DIP2C: variants seen among roughly 807,000 people sequenced by gnomAD.
The protein encoded by DIP2C is disco-interacting protein 2 homolog C.
Under a neutral mutation model 192.4 loss-of-function variants are expected in DIP2C, and 33 were observed. The ratio of observed to expected loss-of-function variants is 0.17; its 90% CI spans 0.13 to 0.23. The LOEUF is 0.23. Among genes scored for constraint, DIP2C ranks in the 10% least tolerant of loss-of-function variants. The pLI is 1.00. For synonymous variants in DIP2C, 979 were observed against 864.1 expected (o/e 1.13, Z -2.33); for missense variants, 1,537 against 2,110.1 (o/e 0.73, Z 5.32).
intron 1 of DIP2C, among the ~76,000 whole-genome samples, chr10:555,399 G>A (rs982392825): frequency 1.9e-4 from 29 of 152,170 alleles, no homozygotes; most frequent in Admixed American, 7.9e-4. Context: ...CATTAACGGT[G>A]AAAGAGTAAG....
At chr10:481,927 G>A (rs920924693) in intron 2 of DIP2C, among the ~76,000 whole-genome samples, 2 of 152,226 alleles carry the variant, frequency 1.3e-5, no homozygotes, top group Admixed American at 6.5e-5. Flanking sequence ...CCGTGAGCAG[G>A]CAGCCGGGGC....
chr10:487,866 G>A (rs934604546), intron 1 of DIP2C, among the ~76,000 whole-genome samples: 6 of 152,090 alleles, frequency 3.9e-5, no homozygotes, highest in Non-Finnish European at 5.9e-5. Flanking sequence ...GTGAGCCACC[G>A]TGCCCAGCCG....
chr10:399,100 A>T lies in DIP2C; in HGVS notation c.1260+9T>A. ...CAGCGAGAAACCGAGCAAAGGGCGC[A>T]TTCCTTACCTTCCTGGTGAGCGGCA... On this transcript the variant is annotated intron_variant, in intron 10 of 36. Transcript: ENST00000280886. The T allele has an allele frequency of 6.2e-7, 1 of 1,611,098 alleles. No homozygotes were observed. The highest frequency in any genetic ancestry group is 2.2e-5 in the East Asian group (1 of 44,856).
intron 1 of DIP2C, chr10:650,844 C>T (rs1197717617): frequency 2.8e-6 from 2 of 715,634 alleles, no homozygotes; most frequent in African/African-American, 3.5e-5. Flanking sequence ...TCAGCCCCCA[C>T]TTGTGAGAGG....
At chr10:674,217 C>T (rs780462419) in intron 1 of DIP2C, among the ~76,000 whole-genome samples, 5 of 152,156 alleles carry the variant, frequency 3.3e-5, no homozygotes, top group Non-Finnish European at 5.9e-5. Flanking sequence ...ACAAAAAACT[C>T]ACTTCAGCTG....
intron 1 of DIP2C, among the ~76,000 whole-genome samples, chr10:605,776 CTA>C (rs1253274427): frequency 1.4e-4 from 21 of 152,226 alleles, no homozygotes; most frequent in African/African-American, 4.8e-4. Context: ...CTTCTCAGGG[CTA>C]TGATACTCAA....
chr10:399,359 G>A, intron 9 of DIP2C, 140 bp from the exon 10 acceptor site: 1 of 630,506 alleles, frequency 1.6e-6, no homozygotes, highest in Non-Finnish European at 2.8e-6. Flanking sequence ...AGTAAGCTGT[G>A]TTTTAATAAG....
intron 1 of DIP2C, among the ~76,000 whole-genome samples, chr10:566,693 G>A (rs1849485869): frequency 6.6e-6 from 1 of 152,234 alleles, no homozygotes; most frequent in Admixed American, 6.5e-5. Context: ...TGGAGGCGGT[G>A]TTCTCAAAGA....
intron 1 of DIP2C, among the ~76,000 whole-genome samples, chr10:537,683 C>T (rs950268366): frequency 3.9e-5 from 6 of 152,138 alleles, no homozygotes; most frequent in Admixed American, 3.3e-4. Flanking sequence ...AGGGAAGACA[C>T]GAGACACAGG....
chr10:320,173 G>A (rs897095941), intron 31 of DIP2C, among the ~76,000 whole-genome samples: 7 of 152,232 alleles, frequency 4.6e-5, no homozygotes, highest in East Asian at 1.9e-4. Flanking sequence ...CATTTTCCAC[G>A]GGAGACTAGA....
intron 1 of DIP2C, among the ~76,000 whole-genome samples, chr10:673,690 C>T (rs568235234): frequency 1.8e-4 from 28 of 152,292 alleles, no homozygotes; most frequent in South Asian, 6.2e-4. Context: ...ACCTGTATAA[C>T]GCCACCAGAA....
chr10:463,134 T>C (rs1455924756), intron 3 of DIP2C, among the ~76,000 whole-genome samples: 1 of 151,392 alleles, frequency 6.6e-6, no homozygotes, highest in East Asian at 1.9e-4. Flanking sequence ...CTCAACATAG[T>C]ATTGGAAGTT....
chr10:483,110 G>A (rs1382691859), intron 2 of DIP2C, among the ~76,000 whole-genome samples: 3 of 152,216 alleles, frequency 2.0e-5, no homozygotes, highest in Non-Finnish European at 2.9e-5. Context: ...GCTGGGACGT[G>A]CCTGGCTGGC....
intron 32 of DIP2C, 74 bp downstream of exon 32, chr10:309,957 T>C: frequency 7.1e-7 from 1 of 1,414,880 alleles, no homozygotes; most frequent in Non-Finnish European, 1.0e-6. Flanking sequence ...TTCTTCTAGA[T>C]GGAGACCTGC....
At chr10:603,925 A>C (rs1588574022) in intron 1 of DIP2C, among the ~76,000 whole-genome samples, 9 of 129,634 alleles carry the variant, frequency 6.9e-5, no homozygotes, top group South Asian at 5.3e-4. Context: ...TCAGCCCCAC[A>C]CCCCTCCGGC....
At chr10:318,198 A>G (rs570608859) in intron 31 of DIP2C, among the ~76,000 whole-genome samples, 1 of 152,160 alleles carries the variant, frequency 6.6e-6, no homozygotes, top group Admixed American at 6.5e-5. Flanking sequence ...CATACATCTC[A>G]ACCGTCCTCC....
chr10:445,525 T>C (rs1176084785), intron 3 of DIP2C, among the ~76,000 whole-genome samples: 3 of 151,872 alleles, frequency 2.0e-5, no homozygotes, highest in Non-Finnish European at 2.9e-5. Context: ...GGCATCTGTA[T>C]ACATCTGTTG....
chr10:309,151 G>C (rs1956464464), intron 32 of DIP2C, among the ~76,000 whole-genome samples: 1 of 152,232 alleles, frequency 6.6e-6, no homozygotes, highest in African/African-American at 2.4e-5. Context: ...GGGGAAGTCT[G>C]CAGTAAAAAT....
chr10:596,914 C>T (rs1368722460), intron 1 of DIP2C, among the ~76,000 whole-genome samples: 2 of 152,240 alleles, frequency 1.3e-5, no homozygotes, highest in Non-Finnish European at 2.9e-5. Flanking sequence ...CATAGTGACG[C>T]GAACATGCAG....
Sources: gnomAD v4.1 joint callset for allele counts (sites outside exome capture counted in the v4.1 genomes callset) on GRCh38, gnomAD v4.1.1 for gene constraint, MANE v1.5 for transcripts, NCBI Gene and HGNC (gene_info 2026-07-23, HGNC 2026-07-21) for gene names.